The following CCDC175 variants were observed in gnomAD, a reference collection of about 807,000 sequenced individuals.
The protein encoded by CCDC175 is coiled-coil domain containing 175, also known as coiled-coil domain-containing protein 175.
In CCDC175, 100 loss-of-function variants were observed where a neutral mutation model predicts 114.6. The observed-to-expected ratio is 0.87, with a 90% confidence interval of 0.74 to 1.03. The LOEUF is 1.03. CCDC175 is among the 50% of genes least tolerant of loss of function. The probability of loss-of-function intolerance (pLI) is 0.00; values close to 1 mark genes in which losing one functional copy is unlikely to be tolerated. For synonymous variants in CCDC175, 306 were observed against 308.7 expected (o/e 0.99, Z 0.09); for missense variants, 880 against 917.8 (o/e 0.96, Z 0.53).
rs1892768454 is a variant in CCDC175 at position 59,511,760 on chromosome 14, C to G, written c.2142G>C (p.Lys714Asn). The change falls in exon 18 of 20, where the codon AAG becomes AAC. Residue 714 changes from lysine to asparagine, a missense_variant and splice_region_variant. By Grantham distance (94) the Lys-to-Asn change is moderately conservative. Coordinates refer to ENST00000537690, the MANE Select transcript of CCDC175 (RefSeq NM_001164399.2). ...DLWAEFQTTV[K>N]ILVDNGEETL... is the part of the protein sequence containing the mutation. ...GGCAACAGACACACGCAAAACTCAC[C>G]TTAACTGTGGTCTGAAATTCAGCCC... The G allele has an allele frequency of 6.5e-7, 1 of 1,536,036 alleles. No homozygotes were observed. Among genetic ancestry groups the G allele is most frequent in the Non-Finnish European group, 8.7e-7 (1 of 1,146,154 alleles).
intron 8 of CCDC175, among the ~76,000 whole-genome samples, chr14:59,550,388 T>C (rs1895393593): frequency 6.6e-6 from 1 of 152,214 alleles, no homozygotes; most frequent in African/African-American, 2.4e-5. Context: ...TTTACTCACA[T>C]GATTATCTAC....
intron 14 of CCDC175, 108 bp downstream of exon 14, chr14:59,531,664 T>C (rs1894081566): frequency 1.3e-6 from 1 of 744,432 alleles, no homozygotes; most frequent in Non-Finnish European, 2.0e-6. Flanking sequence ...TGGGGAAAGT[T>C]TGGTGAGTTT....
At position 59,510,642 on chromosome 14, in the gene CCDC175, TTAC is replaced by T. The variant is rs1892686586; in HGVS notation, c.2305+1_2305+3del. ...TGTTACCAAAGCTCTAAGCTGTTGC[TTAC>T]TAAGAAGGTCCATTGGTGATTCCTG... On this transcript the variant is annotated splice_donor_variant and splice_donor_region_variant and intron_variant, in intron 19 of 19. Coordinates refer to ENST00000537690, the MANE Select transcript of CCDC175 (RefSeq NM_001164399.2). LOFTEE classifies it high-confidence loss of function. 1 of 1,537,000 alleles carries T rather than the reference TTAC, an allele frequency of 6.5e-7. No individual in the cohort carries two copies. The highest frequency in any genetic ancestry group is 8.7e-7 in the Non-Finnish European group (1 of 1,146,822).
intron 13 of CCDC175, among the ~76,000 whole-genome samples, chr14:59,537,257 T>G (rs1361117853): frequency 6.6e-6 from 1 of 152,170 alleles, no homozygotes; most frequent in Non-Finnish European, 1.5e-5. Flanking sequence ...CTTGGGCCAG[T>G]CATCTGCAGA....
chr14:59,515,689 G>C (rs1010902865), intron 17 of CCDC175, among the ~76,000 whole-genome samples: 1 of 152,146 alleles, frequency 6.6e-6, no homozygotes, highest in African/African-American at 2.4e-5. Context: ...GACCTGGAAA[G>C]AGACTTAGAC....
intron 10 of CCDC175, among the ~76,000 whole-genome samples, chr14:59,541,250 A>AT (rs1336658988): frequency 1.3e-5 from 2 of 152,172 alleles, no homozygotes; most frequent in African/African-American, 4.8e-5. Context: ...TTGAGCTCTG[A>AT]TTTGATATAA....
chr14:59,549,951 C>G (rs574511729), intron 8 of CCDC175, among the ~76,000 whole-genome samples: 1 of 151,970 alleles, frequency 6.6e-6, no homozygotes, highest in East Asian at 1.9e-4. Context: ...TTGCTCTGCC[C>G]CCAGGCTGGA....
intron 7 of CCDC175, among the ~76,000 whole-genome samples, chr14:59,556,763 T>G (rs1895923683): frequency 1.3e-5 from 2 of 151,878 alleles, no homozygotes; most frequent in African/African-American, 4.8e-5. Flanking sequence ...TCAAACAAAT[T>G]TATAAGAAAA....
intron 14 of CCDC175, among the ~76,000 whole-genome samples, chr14:59,528,653 T>G (rs554293338): frequency 8.5e-5 from 13 of 152,294 alleles, no homozygotes; most frequent in African/African-American, 3.1e-4. Flanking sequence ...ATTATAATAA[T>G]GTAAGCATTA....
chr14:59,527,506 C>CCCTA (rs1350539018), intron 14 of CCDC175, among the ~76,000 whole-genome samples: 1 of 152,118 alleles, frequency 6.6e-6, no homozygotes, highest in African/African-American at 2.4e-5. Flanking sequence ...TATATTTCAT[C>CCCTA]CCTAACCTTC....
intron 17 of CCDC175, among the ~76,000 whole-genome samples, chr14:59,517,701 C>T (rs1442694050): frequency 6.6e-6 from 1 of 152,196 alleles, no homozygotes; most frequent in Non-Finnish European, 1.5e-5. Context: ...ACATTCCATG[C>T]TCACGGGTAG....
chr14:59,506,275 A>ATTTT (rs35322741), intron 19 of CCDC175, among the ~76,000 whole-genome samples: 16 of 136,048 alleles, frequency 1.2e-4, no homozygotes, highest in Non-Finnish European at 1.6e-4. Flanking sequence ...GAGCACAGGG[A>ATTTT]TTTTTTTTTT....
At chr14:59,510,400 C>A in intron 19 of CCDC175, 1 of 350,788 alleles carries the variant, frequency 2.9e-6, no homozygotes, top group Non-Finnish European at 5.2e-6. Context: ...TTAAAATAAA[C>A]TTTTTAAAAA....
intron 8 of CCDC175, among the ~76,000 whole-genome samples, chr14:59,546,618 T>A (rs1895128257): frequency 6.6e-6 from 1 of 152,110 alleles, no homozygotes; most frequent in African/African-American, 2.4e-5. Context: ...AGTTTTGGGT[T>A]TTTTTGCATG....
chr14:59,555,652 T>C (rs934350003), intron 7 of CCDC175, among the ~76,000 whole-genome samples: 2 of 152,108 alleles, frequency 1.3e-5, no homozygotes, highest in African/African-American at 2.4e-5. Flanking sequence ...GGGTATTCAA[T>C]TAGGAAAAGA....
Position 59,543,395 on chromosome 14 carries a change from A to G in CCDC175, c.1232T>C (p.Val411Ala). ...QKEYFLSQKR[V>A]DIKNMEEGLI... is the part of the protein sequence containing the mutation. ...TCCTTCTTCCATATTTTTGATGTCT[A>G]CTCTCTTTTGTGACAGAAAGTATTC... is the stretch of plus-strand genomic sequence containing the variant. The change falls in exon 10 of 20, where the codon GTA becomes GCA. Residue 411 changes from valine to alanine, a missense_variant. Physicochemically the swap from Val to Ala is moderately conservative, Grantham distance 64. Transcript: ENST00000537690. 4 of 1,482,680 alleles carry G rather than the reference A, an allele frequency of 2.7e-6. No homozygotes were observed. The highest frequency in any genetic ancestry group is 3.6e-6 in the Non-Finnish European group (4 of 1,114,038). The allele number at this position is 1,482,680 out of a possible 1,614,324, so 91.8% of individuals were successfully genotyped here. A position where few individuals can be genotyped will look rare whatever the true frequency, so the allele number is the denominator to read the frequency against.
chr14:59,551,795 T>A (rs1462934486), intron 7 of CCDC175, among the ~76,000 whole-genome samples: 2 of 152,202 alleles, frequency 1.3e-5, no homozygotes, highest in Non-Finnish European at 2.9e-5. Flanking sequence ...CCAAGGGTCT[T>A]AGCAAACGGC....
At position 59,527,039 on chromosome 14, in the gene CCDC175, T is replaced by C. The variant is rs1040626214; in HGVS notation, c.1842+56A>G. 2.9e-5 allele frequency: 28 copies of C among 951,018 alleles called. No homozygotes were observed. In the Middle Eastern group the frequency reaches 6.7e-4, roughly 23 times the overall value. 58.9% of individuals were successfully genotyped at this position (951,018 alleles called of 1,614,324 possible). A position where few individuals can be genotyped will look rare whatever the true frequency, so the allele number is the denominator to read the frequency against. On this transcript the variant is annotated intron_variant, in intron 15 of 19. Coordinates refer to ENST00000537690, the MANE Select transcript of CCDC175 (RefSeq NM_001164399.2). Reference sequence around the variant, plus strand: ...AATGCCAGGTAAATACTACCATCTGTATATACCACTATTCTAATAATAATA... The same window carrying C: ...AATGCCAGGTAAATACTACCATCTGCATATACCACTATTCTAATAATAATA...
chr14:59,554,641 C>T (rs1364306440), intron 7 of CCDC175, among the ~76,000 whole-genome samples: 1 of 152,062 alleles, frequency 6.6e-6, no homozygotes, highest in Non-Finnish European at 1.5e-5. Context: ...GAAATAGAGA[C>T]ATAAAAAACC....
Sources: allele counts gnomAD v4.1 joint callset (sites outside exome capture counted in the v4.1 genomes callset), GRCh38; gene constraint gnomAD v4.1.1; transcripts MANE v1.5; gene names NCBI Gene and HGNC (gene_info 2026-07-23, HGNC 2026-07-21).